Variants in SLC49A3 observed in about 807,000 individuals in gnomAD.
The protein encoded by SLC49A3 is solute carrier family 49 member A3.
In SLC49A3, 50 loss-of-function variants were observed where a neutral mutation model predicts 43.8. The observed-to-expected ratio is 1.14, with a 90% CI of 0.91 to 1.45. SLC49A3 has a LOEUF of 1.45. Among genes scored for constraint, SLC49A3 ranks in the 40% most tolerant of loss-of-function variants. The probability of loss-of-function intolerance (pLI) is 0.00; values close to 1 mark genes in which losing one functional copy is unlikely to be tolerated. For missense variants in SLC49A3, 906 were observed against 774.1 expected, an observed-to-expected ratio of 1.17 and a Z score of -2.02; for synonymous variants, 413 against 352.0, an observed-to-expected ratio of 1.17 and a Z score of -1.94.
At chr4:676,898 T>C (rs1235537347), downstream of SLC49A3, 3 of 985,304 alleles carry the variant, frequency 3.0e-6, no homozygotes, top group Non-Finnish European at 1.2e-6. Flanking sequence ...CAGTGCTTCA[T>C]AGAGGCCGCT....
chr4:683,623 C>A lies in SLC49A3; in HGVS notation c.979G>T (p.Val327Leu). Reference protein sequence around the residue: ...IGLCLFSLACVPFALVSQLQG... With the variant: ...IGLCLFSLACLPFALVSQLQG... ...GAGACCCTCACCAGGGCAAAGGGCA[C>A]GCAGGCCAGAGAGAACAGGCACAGG... The change falls in exon 7 of 10, where the codon GTG becomes TTG. Residue 327 changes from valine to leucine, a missense_variant. By Grantham distance (32) the Val-to-Leu change is conservative (BLOSUM62 1). Coordinates refer to ENST00000322224, the MANE Select transcript of SLC49A3 (RefSeq NM_032219.4). The A allele has an allele frequency of 5.0e-6, 8 of 1,611,558 alleles. No individual in the cohort carries two copies. Among genetic ancestry groups the A allele is most frequent in the East Asian group, 2.2e-5 (1 of 44,876 alleles).
chr4:686,718 A>G, intron 1 of SLC49A3, 28 bp from the exon 2 acceptor site: 3 of 1,604,380 alleles, frequency 1.9e-6, no homozygotes, highest in Non-Finnish European at 2.6e-6. Flanking sequence ...GAGTCAGCGC[A>G]GGGCCACAGA....
upstream of SLC49A3, among the ~76,000 whole-genome samples, chr4:690,581 G>A (rs759270992): frequency 3.3e-5 from 5 of 152,214 alleles, no homozygotes; most frequent in Non-Finnish European, 5.9e-5. Flanking sequence ...TCCCTGTTGA[G>A]GGACCTCACT....
At chr4:689,427 C>G, upstream of SLC49A3, 1 of 236,926 alleles carries the variant, frequency 4.2e-6, no homozygotes, top group Non-Finnish European at 8.1e-6. Context: ...CGGTCACAGC[C>G]TGTGTGCTTC....
Position 689,151 on chromosome 4 carries a change from C to T in SLC49A3, c.-24G>A. 2.3e-6 allele frequency: 3 copies of T among 1,294,042 alleles called. No homozygotes were observed. The highest frequency in any genetic ancestry group is 2.9e-6 in the Non-Finnish European group (3 of 1,025,388). 80.2% of individuals were successfully genotyped at this position (1,294,042 alleles called of 1,614,324 possible). On this transcript the variant is annotated 5_prime_UTR_variant, in exon 1 of 10. Transcript: ENST00000322224. ...ATCGTCGGCGGCCTCCACGGGTCTC[C>T]GCCGGTCCCGCCGGCCGCCCGGGCT... is the stretch of plus-strand genomic sequence containing the variant.
chr4:681,007 T>C, downstream of SLC49A3: 1 of 1,478,570 alleles, frequency 6.8e-7, no homozygotes, highest in Non-Finnish European at 9.2e-7. Context: ...GAGTACAACC[T>C]GGGGCCCCTG....
intron 1 of SLC49A3, among the ~76,000 whole-genome samples, chr4:687,035 A>T (rs1008969237): frequency 1.4e-4 from 21 of 152,128 alleles, no homozygotes; most frequent in African/African-American, 5.1e-4. Flanking sequence ...CTCAGCTAGA[A>T]CCTCTGGGAC....
downstream of SLC49A3, chr4:681,050 A>AC (rs1560155809): frequency 1.3e-6 from 2 of 1,564,562 alleles, no homozygotes; most frequent in South Asian, 1.2e-5. Flanking sequence ...AGGCTCCTGC[A>AC]CCCCCGCATC....
Position 682,874 on chromosome 4 carries a change from G to C in SLC49A3, c.1168C>G (p.Leu390Val). Residue 390 changes from leucine to valine, a missense_variant, in exon 9 of 10, where the codon CTC becomes GTC. Leu to Val is a conservative substitution (Grantham distance 32, BLOSUM62 1). Coordinates refer to ENST00000322224, the MANE Select transcript of SLC49A3 (RefSeq NM_032219.4). ...AGTGCCGTCATTGCCAGCATGATGA[G>C]TATTCCCTCGGCCTGCCTGGACACA... is the stretch of plus-strand genomic sequence containing the variant. The part of the protein sequence containing the change: ...IFVLGQAEGI[L>V]IMLAMTALTV... 6.3e-7 allele frequency: 1 copy of C among 1,597,450 alleles called. No homozygotes were observed. The highest frequency in any genetic ancestry group is 2.3e-5 in the East Asian group (1 of 44,370).
chr4:683,698 C>A lies in SLC49A3; in HGVS notation c.904G>T (p.Gly302Cys). The change falls in exon 7 of 10, where the codon GGC becomes TGC. Residue 302 changes from glycine (G) to cysteine (C), a missense_variant. By Grantham distance (159) the Gly-to-Cys change is radical (BLOSUM62 -3). Coordinates refer to ENST00000322224, the MANE Select transcript of SLC49A3 (RefSeq NM_032219.4). ...TGCTTGGTCCGGTCCACATAGGGGCCGAGAGCCAGTGCCCCCAGGATCCCA... is the reference window on the plus strand; with the variant it reads ...TGCTTGGTCCGGTCCACATAGGGGCAGAGAGCCAGTGCCCCCAGGATCCCA... ...TFGILGALAL[G>C]PYVDRTKHFT... 6.2e-7 allele frequency: 1 copy of A among 1,602,434 alleles called. No individual in the cohort carries two copies. The highest frequency in any genetic ancestry group is 8.5e-7 in the Non-Finnish European group (1 of 1,174,912).
downstream of SLC49A3, chr4:679,303 G>T (rs1739202172): frequency 2.6e-6 from 1 of 381,654 alleles, no homozygotes; most frequent in South Asian, 2.8e-5. Flanking sequence ...CCAGGGAGGG[G>T]CTGACTCTCT....
chr4:681,013 C>T (rs1486964052), downstream of SLC49A3: 2 of 1,493,418 alleles, frequency 1.3e-6, no homozygotes, highest in Non-Finnish European at 1.8e-6. Flanking sequence ...AACCTGGGGC[C>T]CCTGGAGCAC....
downstream of SLC49A3, among the ~76,000 whole-genome samples, chr4:677,473 G>T (rs544993870): frequency 2.6e-5 from 4 of 152,182 alleles, no homozygotes; most frequent in Non-Finnish European, 5.9e-5. Context: ...GCCAGGCAAG[G>T]AGCTCCCAGC....
chr4:679,809 C>A, downstream of SLC49A3: 1 of 939,776 alleles, frequency 1.1e-6, no homozygotes, highest in Non-Finnish European at 1.7e-6. Flanking sequence ...CCCGCTCCCT[C>A]CCCACCCTTC....
rs1274761707 is a variant in SLC49A3 at position 686,184 on chromosome 4, A to G, written c.413T>C (p.Leu138Pro). 1 of 1,613,380 alleles carries G rather than the reference A, an allele frequency of 6.2e-7. No individual in the cohort carries two copies. Among genetic ancestry groups the G allele is most frequent in the East Asian group, 2.2e-5 (1 of 44,890 alleles). ...FLMGGQSLCALAQSLVIFSPA... is the reference protein window; with the variant it reads ...FLMGGQSLCAPAQSLVIFSPA... ...AGAGAAGATGACCAGGCTCTGGGCA[A>G]GGGCACAGAGGCTCTGGCCACCCAT... The change falls in exon 3 of 10, where the codon CTT (leucine) becomes CCT (proline). Residue 138 changes from leucine to proline, a missense_variant. By Grantham distance (98) the Leu-to-Pro change is moderately conservative (BLOSUM62 -3). Transcript: ENST00000322224.
At chr4:678,799 C>A, downstream of SLC49A3, 1 of 1,607,882 alleles carries the variant, frequency 6.2e-7, no homozygotes. Flanking sequence ...GAGCCCCCAC[C>A]CCCAGGAGCC....
chr4:683,648 G>A lies in SLC49A3; in HGVS notation c.954C>T (p.Gly318=), dbSNP rs760927500. 6.2e-7 allele frequency: 1 copy of A among 1,612,414 alleles called. No homozygotes were observed. Residue 318 remains glycine (G), a synonymous_variant, in exon 7 of 10, where the codon GGC becomes GGT. Transcript: ENST00000322224. ...TKHFTEATKI[G]LCLFSLACVP... ...CGCAGGCCAGAGAGAACAGGCACAG[G>A]CCAATCTTGGTGGCCTCAGTGAAGT...
rs548554024 is a variant in SLC49A3, at chr4:684,105, A to G, written c.841-344T>C. ...GAGGGCAGAGGGCCAGCTCGGAGAT[A>G]TGCGAGCAGAGCAAGGCCCTCCCCG... is the stretch of plus-strand genomic sequence containing the variant. On this transcript the variant is annotated intron_variant, in intron 6 of 9. Transcript: ENST00000322224. 3.3e-5 allele frequency among the ~76,000 whole-genome samples: 5 copies of G among 152,344 alleles called. No homozygotes were observed. In the East Asian group the frequency reaches 9.7e-4, roughly 29 times the overall value.
intron 8 of SLC49A3, 46 bp from the exon 9 acceptor site, chr4:682,936 C>T (rs776639326): frequency 1.9e-5 from 28 of 1,465,592 alleles, no homozygotes; most frequent in Non-Finnish European, 2.3e-5. Flanking sequence ...CCCACCCCCT[C>T]GGAGCCAGGT....
Sources: gnomAD v4.1 joint callset for allele counts (sites outside exome capture counted in the v4.1 genomes callset) on GRCh38, gnomAD v4.1.1 for gene constraint, MANE v1.5 for transcripts, NCBI Gene and HGNC (gene_info 2026-07-23, HGNC 2026-07-21) for gene names.